Variants in SCN2A observed in about 807,000 individuals in gnomAD.
The protein encoded by SCN2A is sodium voltage-gated channel alpha subunit 2, also known as sodium channel protein type 2 subunit alpha.
A neutral mutation model predicts 188.7 loss-of-function variants in SCN2A; 20 were observed. The observed-to-expected ratio is 0.11, with a 90% confidence interval of 0.07 to 0.15. The LOEUF is 0.15. SCN2A is among the 10% of genes least tolerant of loss of function. SCN2A has a pLI of 1.00. For synonymous variants in SCN2A, 804 were observed against 833.1 expected, an observed-to-expected ratio of 0.97 and a Z score of 0.60; for missense variants, 1,278 against 2,445.0, an observed-to-expected ratio of 0.52 and a Z score of 10.07.
chr2:165,307,820 A>C (rs769484221), intron 3 of SCN2A, 28 bp from the exon 4 acceptor site: 7 of 1,498,168 alleles, frequency 4.7e-6, no homozygotes, highest in Non-Finnish European at 6.5e-6. Flanking sequence ...TTTTCCATTG[A>C]ACTTTGTCTT....
chr2:165,315,887 G>C, intron 11 of SCN2A, 129 bp downstream of exon 11: 1 of 1,102,528 alleles, frequency 9.1e-7, no homozygotes, highest in South Asian at 1.6e-5. Flanking sequence ...TGATTATCAA[G>C]TGTTTTGGCT....
Position 165,310,499 on chromosome 2 carries a change from A to G in SCN2A, c.874A>G (p.Ile292Val), listed in dbSNP as rs762484444. 7.4e-6 allele frequency: 12 copies of G among 1,613,596 alleles called. No individual in the cohort carries two copies. Among genetic ancestry groups the G allele is most frequent in the Non-Finnish European group, 1.0e-5 (12 of 1,179,582 alleles). Residue 292 changes from isoleucine (I) to valine (V), a missense_variant, in exon 7 of 27, where the codon ATC becomes GTC. This residue lies in a region of SCN2A where 45 missense variants were observed against 58.1 expected (regional missense o/e 0.77). Transcript: ENST00000375437. ...AGATAATTCTTCCTTTGAAATAAAT[A>G]TCACTTCCTTCTTTAACAATTCATT... ...PPDNSSFEIN[I>V]TSFFNNSLDG...
chr2:165,319,276 G>T (rs1451449581), intron 11 of SCN2A, among the ~76,000 whole-genome samples: 2 of 152,134 alleles, frequency 1.3e-5, no homozygotes, highest in Non-Finnish European at 2.9e-5. Context: ...GGTGGAGCTT[G>T]CAGTGAGCCG....
chr2:165,308,275 G>C (rs1422582193), intron 4 of SCN2A, among the ~76,000 whole-genome samples: 1 of 151,984 alleles, frequency 6.6e-6, no homozygotes, highest in Non-Finnish European at 1.5e-5. Flanking sequence ...GACTACCACA[G>C]TTCTGTGTTA....
At chr2:165,263,343 T>C (rs1694690605) in intron 1 of SCN2A, among the ~76,000 whole-genome samples, 1 of 152,182 alleles carries the variant, frequency 6.6e-6, no homozygotes, top group South Asian at 2.1e-4. Flanking sequence ...TCTGATGTTC[T>C]AGAAGTTTTA....
At chr2:165,346,532 G>A (rs907810383) in intron 16 of SCN2A, among the ~76,000 whole-genome samples, 2 of 152,118 alleles carry the variant, frequency 1.3e-5, no homozygotes, top group South Asian at 4.1e-4. Flanking sequence ...ATACCATTCA[G>A]GACATTGGCA....
intron 1 of SCN2A, among the ~76,000 whole-genome samples, chr2:165,276,674 C>T (rs973500736): frequency 6.6e-6 from 1 of 152,028 alleles, no homozygotes. Flanking sequence ...CAGGTTAGGC[C>T]CCATTATTAA....
chr2:165,246,251 C>T (rs2106058566), intron 1 of SCN2A, among the ~76,000 whole-genome samples: 1 of 152,316 alleles, frequency 6.6e-6, no homozygotes, highest in South Asian at 2.1e-4. Flanking sequence ...CTGGAATTTT[C>T]TCCACTGGCA....
chr2:165,302,644 A>T (rs1696883033), intron 3 of SCN2A, among the ~76,000 whole-genome samples: 1 of 152,214 alleles, frequency 6.6e-6, no homozygotes, highest in Admixed American at 6.5e-5. Flanking sequence ...TATTATCCAC[A>T]TTTATATAAG....
At chr2:165,388,544 T>C in intron 26 of SCN2A, 85 bp from the exon 27 acceptor site, 1 of 1,576,122 alleles carries the variant, frequency 6.3e-7, no homozygotes, top group African/African-American at 1.4e-5. Flanking sequence ...CTGTTCACAT[T>C]TTGTAAAACT....
intron 1 of SCN2A, among the ~76,000 whole-genome samples, chr2:165,260,236 C>T (rs915848109): frequency 6.6e-6 from 1 of 152,124 alleles, no homozygotes; most frequent in Admixed American, 6.6e-5. Flanking sequence ...AGCCACTGCG[C>T]CCGGCCAAAA....
At chr2:165,301,142 G>A (rs530462818) in intron 3 of SCN2A, among the ~76,000 whole-genome samples, 1 of 152,284 alleles carries the variant, frequency 6.6e-6, no homozygotes, top group Non-Finnish European at 1.5e-5. Context: ...TGTTGACTGA[G>A]CTTGGGGCAA....
At chr2:165,296,355 T>C (rs1175889013) in intron 2 of SCN2A, 3 of 484,286 alleles carry the variant, frequency 6.2e-6, no homozygotes, top group Non-Finnish European at 1.1e-5. Flanking sequence ...CTATTCACCT[T>C]CTTGAATACA....
chr2:165,268,734 AGATGAG>A (rs1694981369), intron 1 of SCN2A: 1 of 151,794 alleles, frequency 6.6e-6, no homozygotes, highest in African/African-American at 2.4e-5. Flanking sequence ...TCTTATCTGT[AGATGAG>A]GAACGGATAA....
In SCN2A at chr2:165,389,870, C is replaced by T. The variant is rs756838127; in HGVS notation, c.*46C>T. On this transcript the variant is annotated 3_prime_UTR_variant, in exon 27 of 27. Coordinates refer to ENST00000375437, the MANE Select transcript of SCN2A (RefSeq NM_001040142.2). The surrounding 1 kb of genome is among the most constrained non-coding windows in gnomAD (Gnocchi z 4.2). ...ATTTTGTGATCAATTGTTTACAGCC[C>T]GTGATGGTGATGTGTTTGTGTCAAC... 1.4e-4 allele frequency: 219 copies of T among 1,548,862 alleles called. 2 individuals are homozygous for T. The Middle Eastern group carries it at 2.7e-3, about 19-fold the overall frequency.
chr2:165,293,002 T>C (rs1398589931), intron 1 of SCN2A, among the ~76,000 whole-genome samples: 2 of 152,236 alleles, frequency 1.3e-5, no homozygotes, highest in African/African-American at 4.8e-5. Context: ...CTGGTTGCTT[T>C]TTAGTGACTT....
At chr2:165,324,358 A>G (rs930982706) in intron 12 of SCN2A, among the ~76,000 whole-genome samples, 4 of 152,160 alleles carry the variant, frequency 2.6e-5, no homozygotes, top group Non-Finnish European at 5.9e-5. Flanking sequence ...TCCATTTATT[A>G]TCATTGAACA....
At chr2:165,312,131 T>TGGAG in intron 8 of SCN2A, 43 bp downstream of exon 8, 12 of 1,435,622 alleles carry the variant, frequency 8.4e-6, no homozygotes, top group African/African-American at 2.8e-5. Flanking sequence ...CACTGCTCCA[T>TGGAG]CAGTGTCAAT....
intron 14 of SCN2A, among the ~76,000 whole-genome samples, chr2:165,333,218 G>A (rs951659170): frequency 6.6e-6 from 1 of 151,970 alleles, no homozygotes; most frequent in African/African-American, 2.4e-5. Context: ...TTACCAGAAG[G>A]AGGATGGATT....
Sources: allele counts gnomAD v4.1 joint callset (sites outside exome capture counted in the v4.1 genomes callset), GRCh38; gene constraint gnomAD v4.1.1; regional missense constraint gnomAD v4.1.1; non-coding constraint Gnocchi (gnomAD v3.1); transcripts MANE v1.5; gene names NCBI Gene and HGNC (gene_info 2026-07-23, HGNC 2026-07-21).